DGUOK: variants seen among roughly 807,000 people sequenced by gnomAD.
The protein encoded by DGUOK is deoxyguanosine kinase, also known as deoxyguanosine kinase, mitochondrial.
DGUOK carries 30 observed loss-of-function variants against 36.6 expected under a neutral mutation model. The observed-to-expected ratio is 0.82, with a 90% CI of 0.61 to 1.11. The LOEUF is 1.11. DGUOK is among the 50% of genes most tolerant of loss of function. The pLI is 0.00. For synonymous variants in DGUOK, 145 were observed against 126.3 expected (o/e 1.15, Z -0.99); for missense variants, 361 against 336.4 (o/e 1.07, Z -0.57).
At chr2:73,928,767 T>G (rs995842921) in intron 1 of DGUOK, among the ~76,000 whole-genome samples, 1 of 152,172 alleles carries the variant, frequency 6.6e-6, no homozygotes, top group Non-Finnish European at 1.5e-5. Context: ...ACTTAGATTA[T>G]AAAAAGATCA....
At chr2:73,950,058 A>G (rs1271201481) in intron 3 of DGUOK, among the ~76,000 whole-genome samples, 4 of 152,264 alleles carry the variant, frequency 2.6e-5, no homozygotes, top group African/African-American at 9.6e-5. Context: ...AGGACACCAC[A>G]TAAATACTAT....
intron 1 of DGUOK, among the ~76,000 whole-genome samples, chr2:73,936,158 A>G (rs76512534): frequency 0.033 from 5,048 of 152,342 alleles, 200 homozygotes; most frequent in African/African-American, 0.098. Context: ...ACAACCTACA[A>G]TCTAAATATT....
At chr2:73,927,526 A>C (rs1047323430) in intron 1 of DGUOK, among the ~76,000 whole-genome samples, 1 of 152,212 alleles carries the variant, frequency 6.6e-6, no homozygotes, top group Non-Finnish European at 1.5e-5. Context: ...TGAAAGTTCA[A>C]ATTTAACTGT....
chr2:73,954,639 CCTACCTGGGACTGGCA>C (rs1302606280), intron 4 of DGUOK, among the ~76,000 whole-genome samples: 6 of 152,030 alleles, frequency 3.9e-5, no homozygotes, highest in Admixed American at 3.9e-4. Flanking sequence ...AAAGCCAGGC[CCTACCTGGGACTGGCA>C]CAGCATGGGG....
intron 3 of DGUOK, among the ~76,000 whole-genome samples, chr2:73,948,768 C>T (rs994420870): frequency 1.3e-5 from 2 of 152,112 alleles, no homozygotes; most frequent in African/African-American, 4.8e-5. Context: ...ATCCTTATGC[C>T]CTGTTCTGTC....
At chr2:73,958,590 C>A in intron 6 of DGUOK, 120 bp from the exon 7 acceptor site, 1 of 839,046 alleles carries the variant, frequency 1.2e-6, no homozygotes, top group Non-Finnish European at 2.0e-6. Context: ...TTCTCCATGC[C>A]TATTATTTTC....
At chr2:73,939,103 T>G in intron 2 of DGUOK, 81 bp downstream of exon 2, 1 of 927,052 alleles carries the variant, frequency 1.1e-6, no homozygotes, top group South Asian at 1.3e-5. Context: ...TCTCAGTGAG[T>G]AAAGTAGCCC....
intron 4 of DGUOK, among the ~76,000 whole-genome samples, chr2:73,953,038 G>A (rs1682808762): frequency 6.6e-6 from 1 of 152,094 alleles, no homozygotes; most frequent in South Asian, 2.1e-4. Context: ...GATAGGAGGA[G>A]CAGCCTTGCT....
intron 2 of DGUOK, among the ~76,000 whole-genome samples, chr2:73,944,910 C>G (rs1325083582): frequency 6.6e-6 from 1 of 151,968 alleles, no homozygotes; most frequent in Admixed American, 6.5e-5. Context: ...CTACTTCTAC[C>G]TCCAGCTCTT....
At chr2:73,938,880 G>A in intron 1 of DGUOK, 30 bp from the exon 2 acceptor site, 1 of 1,472,112 alleles carries the variant, frequency 6.8e-7, no homozygotes, top group South Asian at 1.1e-5. Flanking sequence ...GATTTGGGAA[G>A]CATCCCAATA....
intron 4 of DGUOK, among the ~76,000 whole-genome samples, chr2:73,954,628 A>G (rs891566433): frequency 2.6e-5 from 4 of 152,152 alleles, no homozygotes; most frequent in Admixed American, 2.0e-4. Context: ...ATGTACATCA[A>G]AAAGCCAGGC....
At chr2:73,946,558 G>A (rs767407587) in intron 2 of DGUOK, among the ~76,000 whole-genome samples, 161 bp from the exon 3 acceptor site, 2 of 152,188 alleles carry the variant, frequency 1.3e-5, no homozygotes, top group Non-Finnish European at 2.9e-5. Flanking sequence ...ACTAAGCTGG[G>A]GATCTGATTC....
chr2:73,958,272 C>T, intron 6 of DGUOK, 27 bp downstream of exon 6: 2 of 1,557,480 alleles, frequency 1.3e-6, no homozygotes, highest in African/African-American at 1.4e-5. Context: ...CTCCTGTTTT[C>T]TGGTGGTTTC....
At chr2:73,928,901 C>G (rs1215303512) in intron 1 of DGUOK, among the ~76,000 whole-genome samples, 1 of 152,108 alleles carries the variant, frequency 6.6e-6, no homozygotes, top group Non-Finnish European at 1.5e-5. Context: ...AATTGAGTTA[C>G]ATTTTAAGTA....
Position 73,938,938 on chromosome 2 carries a change from A to G in DGUOK, c.171A>G (p.Leu57=). 6 of 1,613,876 alleles carry G rather than the reference A, an allele frequency of 3.7e-6. No individual in the cohort carries two copies. Among genetic ancestry groups the G allele is most frequent in the Non-Finnish European group, 5.1e-6 (6 of 1,179,772 alleles). ...IAVGKSTFVK[L]LTKTYPEWHV... ...TGGGAAAGTCCACGTTTGTGAAGTT[A>G]CTCACGAAAACTTACCCAGAATGGC... Residue 57 remains leucine (L), a synonymous_variant, in exon 2 of 7, where the codon TTA becomes TTG. Coordinates refer to ENST00000264093, the MANE Select transcript of DGUOK (RefSeq NM_080916.3).
intron 2 of DGUOK, among the ~76,000 whole-genome samples, chr2:73,939,879 T>C (rs890902926): frequency 2.6e-5 from 4 of 151,894 alleles, no homozygotes; most frequent in African/African-American, 9.7e-5. Context: ...ATGATTTTCC[T>C]GTTCTTTCTC....
intron 1 of DGUOK, among the ~76,000 whole-genome samples, chr2:73,937,851 C>T (rs964788772): frequency 2.0e-5 from 3 of 152,208 alleles, no homozygotes; most frequent in Admixed American, 6.5e-5. Flanking sequence ...CTACTTTTCA[C>T]TCCTCTGCCA....
chr2:73,930,782 C>CTTTT (rs1020072202), intron 1 of DGUOK, among the ~76,000 whole-genome samples: 7 of 95,480 alleles, frequency 7.3e-5, no homozygotes, highest in Non-Finnish European at 1.3e-4. Flanking sequence ...ACATAATTTT[C>CTTTT]TTTTTTTTTT....
At chr2:73,935,133 C>T (rs147307828) in intron 1 of DGUOK, among the ~76,000 whole-genome samples, 1 of 152,052 alleles carries the variant, frequency 6.6e-6, no homozygotes, top group African/African-American at 2.4e-5. Context: ...GACAGCTACT[C>T]AGGAGGCTGA....
Sources: gnomAD v4.1 joint callset for allele counts (sites outside exome capture counted in the v4.1 genomes callset) on GRCh38, gnomAD v4.1.1 for gene constraint, MANE v1.5 for transcripts, NCBI Gene and HGNC (gene_info 2026-07-23, HGNC 2026-07-21) for gene names.